LPCAT1: variants seen among roughly 807,000 people sequenced by gnomAD.
The protein encoded by LPCAT1 is 1-acylglycerol-3-phosphate O-acyltransferase.
LPCAT1 carries 23 observed loss-of-function variants against 60.9 expected under a neutral mutation model. The ratio of observed to expected loss-of-function variants is 0.38; its 90% CI spans 0.27 to 0.53. The LOEUF is 0.53. Among genes scored for constraint, LPCAT1 ranks in the 20% least tolerant of loss-of-function variants. LPCAT1 has a pLI of 0.82. For synonymous variants in LPCAT1, 340 were observed against 301.1 expected, an observed-to-expected ratio of 1.13 and a Z score of -1.34; for missense variants, 622 against 723.6, an observed-to-expected ratio of 0.86 and a Z score of 1.61.
At chr5:1,489,293 G>A (rs1735482544) in intron 4 of LPCAT1, among the ~76,000 whole-genome samples, 1 of 152,252 alleles carries the variant, frequency 6.6e-6, no homozygotes, top group Admixed American at 6.5e-5. Context: ...CTGGAAAGAA[G>A]AAAAACAGCG....
chr5:1,509,056 C>A (rs1226403640), intron 1 of LPCAT1, among the ~76,000 whole-genome samples: 6 of 152,266 alleles, frequency 3.9e-5, no homozygotes, highest in African/African-American at 1.4e-4. Flanking sequence ...CCCTCCGAGC[C>A]CACTTGTTGG....
Position 1,462,177 on chromosome 5 carries a change from G to C in LPCAT1, c.*1474C>G, listed in dbSNP as rs1734125793. ...CTGGCCTTGGTGGTCACTTTCTATAGAGATGCCCCAAATATAAAAATCAAT... is the reference window on the plus strand; with the variant it reads ...CTGGCCTTGGTGGTCACTTTCTATACAGATGCCCCAAATATAAAAATCAAT... On this transcript the variant is annotated 3_prime_UTR_variant, in exon 14 of 14. Coordinates refer to ENST00000283415, the MANE Select transcript of LPCAT1 (RefSeq NM_024830.5). 6.6e-6 allele frequency: 1 copy of C among 152,548 alleles called. No homozygotes were observed. 9.4% of individuals were successfully genotyped at this position (152,548 alleles called of 1,614,324 possible).
chr5:1,478,637 T>C (rs1735016635), intron 8 of LPCAT1, among the ~76,000 whole-genome samples: 1 of 152,160 alleles, frequency 6.6e-6, no homozygotes, highest in African/African-American at 2.4e-5. Context: ...TTCAGCCCAG[T>C]CCTCTGTAAT....
In LPCAT1 at chr5:1,463,385, C is replaced by T. The variant is rs1734185950; in HGVS notation, c.*266G>A. On this transcript the variant is annotated 3_prime_UTR_variant, in exon 14 of 14. Coordinates refer to ENST00000283415, the MANE Select transcript of LPCAT1 (RefSeq NM_024830.5). ...CACGGGGCGGCACCGGTGCCCCCCGCCCGGCAGGGAACCTGACCCCACGGG... is the reference window on the plus strand; with the variant it reads ...CACGGGGCGGCACCGGTGCCCCCCGTCCGGCAGGGAACCTGACCCCACGGG... 2.1e-6 allele frequency: 1 copy of T among 466,062 alleles called. No homozygotes were observed. The highest frequency in any genetic ancestry group is 2.0e-5 in the African/African-American group (1 of 50,368). The allele number at this position is 466,062 out of a possible 1,614,324, so 28.9% of individuals were successfully genotyped here.
In LPCAT1 at chr5:1,480,393, T is replaced by C. The variant is rs1309374708; in HGVS notation, c.761+549A>G. ...TTGGACTTTCCCGCTCCCTCTGCCC[T>C]CCCGACGTCAGCTCAGACGTCAGCA... On this transcript the variant is annotated intron_variant, in intron 7 of 13. Coordinates refer to ENST00000283415, the MANE Select transcript of LPCAT1 (RefSeq NM_024830.5). The surrounding 1 kb of genome is among the most constrained non-coding windows in gnomAD (Gnocchi z 6.4). 1.0e-6 allele frequency: 1 copy of C among 985,094 alleles called. No individual in the cohort carries two copies. The highest frequency in any genetic ancestry group is 1.2e-6 in the Non-Finnish European group (1 of 829,834). 61.0% of individuals were successfully genotyped at this position (985,094 alleles called of 1,614,324 possible). A position where few individuals can be genotyped will look rare whatever the true frequency, so the allele number is the denominator to read the frequency against.
Position 1,501,517 on chromosome 5 carries a change from G to A in LPCAT1, c.222C>T (p.Val74=), listed in dbSNP as rs200967639. The change falls in exon 2 of 14, where the codon GTC becomes GTT. Residue 74 remains valine, a synonymous_variant. Transcript: ENST00000283415. ...CCTTCTCCGCAGAGCCCAGGGATGC[G>A]ACAAGTGCGAGGGGCCAGGCCAGCA... ...MMLLAWPLAL[V]ASLGSAEKEP... The A allele has an allele frequency of 1.3e-5, 21 of 1,613,916 alleles. No individual in the cohort carries two copies. The East Asian group carries it at 2.2e-4, about 17-fold the overall frequency.
intron 1 of LPCAT1, among the ~76,000 whole-genome samples, chr5:1,508,722 T>C (rs2962043): frequency 0.34 from 52,313 of 152,148 alleles, 9,699 homozygotes; most frequent in African/African-American, 0.48. Context: ...GTGATGACTC[T>C]TGGCTTAAAT....
intron 6 of LPCAT1, among the ~76,000 whole-genome samples, chr5:1,482,583 CAGGG>C (rs1452876747): frequency 7.1e-5 from 2 of 28,346 alleles, no homozygotes; most frequent in Non-Finnish European, 1.4e-4. Context: ...AGAGCCAGGG[CAGGG>C]TGGGGTGGGG....
At chr5:1,464,643 GCACACA>G (rs36081788) in intron 13 of LPCAT1, among the ~76,000 whole-genome samples, 2 of 146,966 alleles carry the variant, frequency 1.4e-5, no homozygotes, top group African/African-American at 2.5e-5. Context: ...ACACATGCGT[GCACACA>G]CACACACACA....
chr5:1,501,620 G>A lies in LPCAT1; in HGVS notation c.136-17C>T, dbSNP rs193152055. On this transcript the variant is annotated splice_polypyrimidine_tract_variant and intron_variant, in intron 1 of 13. Transcript: ENST00000283415. ...GAGGGCCACCTGCAGACAGAGGGGG[G>A]CATTATCCAGAGAATCCATGTAGGA... 8.9e-3 allele frequency: 14,418 copies of A among 1,612,890 alleles called. 80 individuals are homozygous for A. Among genetic ancestry groups the A allele is most frequent in the Non-Finnish European group, 0.011 (12,502 of 1,179,104 alleles).
intron 13 of LPCAT1, among the ~76,000 whole-genome samples, 182 bp downstream of exon 13, chr5:1,466,567 G>A (rs1269735664): frequency 2.0e-5 from 3 of 152,274 alleles, no homozygotes; most frequent in South Asian, 2.1e-4. Context: ...AGCTCCCTAC[G>A]AACGCTGCCA....
chr5:1,503,500 C>T (rs1736090304), intron 1 of LPCAT1, among the ~76,000 whole-genome samples: 2 of 152,250 alleles, frequency 1.3e-5, no homozygotes, highest in South Asian at 4.1e-4. Flanking sequence ...CTCTCTAATA[C>T]TGAAAGCTAG....
At position 1,481,394 on chromosome 5, in the gene LPCAT1, T is replaced by C. The variant is rs765681123; in HGVS notation, c.727-418A>G. On this transcript the variant is annotated intron_variant, in intron 6 of 13. Transcript: ENST00000283415. This position sits in a 1 kb window ranked among gnomAD's most constrained non-coding sequence, Gnocchi z 7.8. ...TGCACCCGGGACCCCGGCCCTCTCC[T>C]GCCCACCGCTCTCTCCAACTGCTCT... Among the ~76,000 whole-genome samples the C allele has an allele frequency of 6.6e-6, 1 of 152,222 alleles. No individual in the cohort carries two copies. Among genetic ancestry groups the C allele is most frequent in the African/African-American group, 2.4e-5 (1 of 41,456 alleles).
At chr5:1,499,593 C>T (rs1424849950) in intron 2 of LPCAT1, among the ~76,000 whole-genome samples, 2 of 152,198 alleles carry the variant, frequency 1.3e-5, no homozygotes, top group African/African-American at 2.4e-5. Flanking sequence ...TCTAGAAAGG[C>T]TAAATGAAGA....
chr5:1,495,149 T>C lies in LPCAT1; in HGVS notation c.279-235A>G, dbSNP rs917614339. ...ACCTACGAAGGAGGCCGCGGGGCCC[T>C]GTGTGGTGGTCACGGGCCACGCGGC... On this transcript the variant is annotated intron_variant, in intron 2 of 13. Transcript: ENST00000283415. This position sits in a 1 kb window ranked among gnomAD's most constrained non-coding sequence, Gnocchi z 4.7. Among the ~76,000 whole-genome samples the C allele has an allele frequency of 5.3e-5, 8 of 152,154 alleles. No individual in the cohort carries two copies. Among genetic ancestry groups the C allele is most frequent in the Non-Finnish European group, 1.0e-4 (7 of 68,030 alleles).
intron 8 of LPCAT1, 158 bp downstream of exon 8, chr5:1,479,463 C>T: frequency 1.6e-6 from 1 of 642,102 alleles, no homozygotes; most frequent in East Asian, 2.7e-5. Context: ...GGTAAAGCAA[C>T]CAGAGGCTCC....
At position 1,483,301 on chromosome 5, in the gene LPCAT1, C is replaced by T; in HGVS notation, c.726+127G>A. 9.3e-7 allele frequency: 1 copy of T among 1,076,154 alleles called. No individual in the cohort carries two copies. The highest frequency in any genetic ancestry group is 1.4e-6 in the Non-Finnish European group (1 of 700,814). The allele number at this position is 1,076,154 out of a possible 1,614,324, so 66.7% of individuals were successfully genotyped here. A position where few individuals can be genotyped will look rare whatever the true frequency, so the allele number is the denominator to read the frequency against. Reference sequence around the variant, plus strand: ...CTGAGGCCGGATGGACTCAGCATGGCCAAGTGTGGGCTGTGGCGCAGATAA... The same window carrying T: ...CTGAGGCCGGATGGACTCAGCATGGTCAAGTGTGGGCTGTGGCGCAGATAA... On this transcript the variant is annotated intron_variant, in intron 6 of 13. Coordinates refer to ENST00000283415, the MANE Select transcript of LPCAT1 (RefSeq NM_024830.5). This position sits in a 1 kb window ranked among gnomAD's most constrained non-coding sequence, Gnocchi z 9.2.
Position 1,463,843 on chromosome 5 carries a change from G to C in LPCAT1, c.1421-8C>G. 1 of 1,613,244 alleles carries C rather than the reference G, an allele frequency of 6.2e-7. No homozygotes were observed. Among genetic ancestry groups the C allele is most frequent in the Non-Finnish European group, 8.5e-7 (1 of 1,179,360 alleles). On this transcript the variant is annotated splice_polypyrimidine_tract_variant and splice_region_variant and intron_variant, in intron 13 of 13. Coordinates refer to ENST00000283415, the MANE Select transcript of LPCAT1 (RefSeq NM_024830.5). The stretch of plus-strand genomic sequence containing the variant: ...CAAACCTGTGGAAGTCAGCTGGAAA[G>C]ACAAAGGCACCTGTGGTTATGGAAT...
At chr5:1,507,655 G>T (rs1736228939) in intron 1 of LPCAT1, among the ~76,000 whole-genome samples, 2 of 152,176 alleles carry the variant, frequency 1.3e-5, no homozygotes, top group Non-Finnish European at 2.9e-5. Flanking sequence ...GCAGTCCCAG[G>T]AGCACGGCGC....
Sources: gnomAD v4.1 joint callset for allele counts (sites outside exome capture counted in the v4.1 genomes callset) on GRCh38, gnomAD v4.1.1 for gene constraint, Gnocchi (gnomAD v3.1) non-coding constraint, MANE v1.5 for transcripts, NCBI Gene and HGNC (gene_info 2026-07-23, HGNC 2026-07-21) for gene names.